The following POLG2 variants were observed in gnomAD, a reference collection of about 807,000 sequenced individuals.
The protein encoded by POLG2 is DNA polymerase subunit gamma-2.
Under a neutral mutation model 56.5 loss-of-function variants are expected in POLG2, and 50 were observed. That is an observed-to-expected ratio of 0.88 (90% CI 0.71 to 1.12). The LOEUF (loss-of-function observed/expected upper bound fraction) is 1.12. Among genes scored for constraint, POLG2 ranks in the 50% most tolerant of loss-of-function variants. The probability of loss-of-function intolerance (pLI) is 0.00; values close to 1 mark genes in which losing one functional copy is unlikely to be tolerated. For synonymous variants in POLG2, 226 were observed against 222.6 expected, an observed-to-expected ratio of 1.02 and a Z score of -0.14; for missense variants, 584 against 583.3, an observed-to-expected ratio of 1.00 and a Z score of -0.01.
chr17:64,487,092 AAG>A (rs1275940437), intron 4 of POLG2: 1 of 152,206 alleles, frequency 6.6e-6, no homozygotes, highest in Non-Finnish European at 1.5e-5. Context: ...ACAAAAAAAA[AAG>A]AGAGAAAACC....
intron 3 of POLG2, among the ~76,000 whole-genome samples, chr17:64,491,995 C>T (rs2038069625): frequency 6.7e-6 from 1 of 148,224 alleles, no homozygotes; most frequent in South Asian, 2.1e-4. Context: ...AGTGAAAATA[C>T]TGAGTATATT....
chr17:64,494,047 A>G (rs967233451), intron 1 of POLG2, among the ~76,000 whole-genome samples: 2 of 152,134 alleles, frequency 1.3e-5, no homozygotes, highest in East Asian at 1.9e-4. Context: ...TTTCACCCCA[A>G]ATATCTTTTA....
At chr17:64,491,000 A>ATATTTAAATTAGTGTT in intron 3 of POLG2, 31 bp from the exon 4 acceptor site, 1 of 1,528,592 alleles carries the variant, frequency 6.5e-7, no homozygotes, top group Non-Finnish European at 9.1e-7. Context: ...TTGTCTTAAC[A>ATATTTAAATTAGTGTT]TATTTAAATA....
rs2144200742 is a variant in POLG2 at position 64,493,036 on chromosome 17, A to G, written c.563-15T>C. 1 of 1,613,956 alleles carries G rather than the reference A, an allele frequency of 6.2e-7. No individual in the cohort carries two copies. Among genetic ancestry groups the G allele is most frequent in the East Asian group, 2.2e-5 (1 of 44,878 alleles). On this transcript the variant is annotated splice_polypyrimidine_tract_variant and intron_variant, in intron 1 of 7. Transcript: ENST00000539111. Reference sequence around the variant, plus strand: ...TTCCAAGGCACCTGTCAAAAGATAAATCAATCATTGTATACATCTAGTCCA... The same window carrying G: ...TTCCAAGGCACCTGTCAAAAGATAAGTCAATCATTGTATACATCTAGTCCA...
intron 7 of POLG2, among the ~76,000 whole-genome samples, chr17:64,478,881 C>A (rs577579407): frequency 1.3e-5 from 2 of 151,912 alleles, no homozygotes; most frequent in Admixed American, 6.6e-5. Flanking sequence ...GGCGACAGTG[C>A]GAGACTCTGT....
In POLG2 at chr17:64,485,715, A is replaced by G; in HGVS notation, c.1110+13T>C. On this transcript the variant is annotated intron_variant, in intron 5 of 7. Transcript: ENST00000539111. ...TTAGTTTCCCAAGTCTATCTCTGAA[A>G]TATCAACAGCACCTTTCTATGAAGA... 6.2e-7 allele frequency: 1 copy of G among 1,606,510 alleles called. No homozygotes were observed. Among genetic ancestry groups the G allele is most frequent in the Non-Finnish European group, 8.5e-7 (1 of 1,173,144 alleles).
intron 7 of POLG2, among the ~76,000 whole-genome samples, chr17:64,479,618 A>G (rs1555666113): frequency 6.6e-6 from 1 of 152,242 alleles, no homozygotes; most frequent in Non-Finnish European, 1.5e-5. Context: ...TTTAAAAACA[A>G]CAATTAATGA....
rs549373100 is a variant in POLG2 at position 64,494,310 on chromosome 17, TCATAA to T, written c.563-1294_563-1290del. On this transcript the variant is annotated intron_variant, in intron 1 of 7. Transcript: ENST00000539111. ...TAGTAGATGTGTGTATCTTATTGCA[TCATAA>T]CATGAGGAACATGTTATCAAATTAT... 1.2e-4 allele frequency among the ~76,000 whole-genome samples: 18 copies of T among 152,338 alleles called. No individual in the cohort carries two copies. The East Asian group carries it at 2.9e-3, about 24-fold the overall frequency.
At chr17:64,487,463 A>C (rs996949470) in intron 4 of POLG2, 2 of 151,996 alleles carry the variant, frequency 1.3e-5, no homozygotes, top group Non-Finnish European at 2.9e-5. Context: ...AAAAGACAAA[A>C]ATTAGCTGGG....
intron 1 of POLG2, among the ~76,000 whole-genome samples, chr17:64,494,050 A>C (rs187890035): frequency 1.2e-4 from 18 of 152,342 alleles, no homozygotes; most frequent in African/African-American, 4.3e-4. Flanking sequence ...CACCCCAAAT[A>C]TCTTTTACTG....
chr17:64,488,890 C>T (rs1045660742), intron 4 of POLG2, among the ~76,000 whole-genome samples: 6 of 152,022 alleles, frequency 3.9e-5, no homozygotes, highest in African/African-American at 1.2e-4. Context: ...ACTGCTTGAA[C>T]CTGGGAATCG....
chr17:64,484,690 G>GA (rs1422093898), intron 5 of POLG2, among the ~76,000 whole-genome samples: 1 of 152,140 alleles, frequency 6.6e-6, no homozygotes, highest in East Asian at 1.9e-4. Flanking sequence ...GTAAGAAAAA[G>GA]AAAGGATTCC....
Position 64,480,376 on chromosome 17 carries a change from A to G in POLG2, c.1205T>C (p.Leu402Pro), listed in dbSNP as rs1555666269. 1 of 1,559,054 alleles carries G rather than the reference A, an allele frequency of 6.4e-7. No individual in the cohort carries two copies. Among genetic ancestry groups the G allele is most frequent in the African/African-American group, 1.4e-5 (1 of 73,940 alleles). The change falls in exon 7 of 8, where the codon CTA becomes CCA. Residue 402 changes from leucine (L) to proline (P), a missense_variant. By Grantham distance (98) the Leu-to-Pro change is moderately conservative. Transcript: ENST00000539111. ...TLELRQVCQG[L>P]FNELLENGIS... ...CCCATTTTCTAGTAACTCATTAAAT[A>G]GCCCTTGACAAACCTAGAAAGAAAT... is the stretch of plus-strand genomic sequence containing the variant.
At chr17:64,495,171 C>G (rs1306657577) in intron 1 of POLG2, among the ~76,000 whole-genome samples, 1 of 52,204 alleles carries the variant, frequency 1.9e-5, no homozygotes, top group Non-Finnish European at 3.1e-5. Flanking sequence ...GAGCGAGACT[C>G]TGTCTCAAAA....
intron 4 of POLG2, among the ~76,000 whole-genome samples, chr17:64,488,520 T>C (rs945523030): frequency 6.6e-6 from 1 of 151,604 alleles, no homozygotes; most frequent in African/African-American, 2.4e-5. Flanking sequence ...CTGGGCAACA[T>C]AGCGAGACCC....
At chr17:64,493,822 T>C (rs2038105817) in intron 1 of POLG2, among the ~76,000 whole-genome samples, 1 of 152,150 alleles carries the variant, frequency 6.6e-6, no homozygotes, top group Non-Finnish European at 1.5e-5. Context: ...GAAAAAATAA[T>C]AAACATCCAT....
chr17:64,482,004 G>A (rs1214495068), intron 6 of POLG2, among the ~76,000 whole-genome samples: 1 of 150,428 alleles, frequency 6.6e-6, no homozygotes, highest in Non-Finnish European at 1.5e-5. Context: ...GGCATGAACA[G>A]CAAACCCAAT....
chr17:64,479,030 A>T (rs2037813468), intron 7 of POLG2, among the ~76,000 whole-genome samples: 1 of 152,204 alleles, frequency 6.6e-6, no homozygotes. Context: ...GAACAACTGC[A>T]ACTTGACAAT....
chr17:64,483,079 T>C, intron 5 of POLG2, 80 bp from the exon 6 acceptor site: 1 of 735,084 alleles, frequency 1.4e-6, no homozygotes, highest in Non-Finnish European at 2.4e-6. Flanking sequence ...CAAGTTTAAA[T>C]ATAACACAAG....
Sources: allele counts gnomAD v4.1 joint callset (sites outside exome capture counted in the v4.1 genomes callset), GRCh38; gene constraint gnomAD v4.1.1; transcripts MANE v1.5; gene names NCBI Gene and HGNC (gene_info 2026-07-23, HGNC 2026-07-21).